KIAA1549: variants seen among roughly 807,000 people sequenced by gnomAD.
The protein encoded by KIAA1549 is KIAA1549, also known as UPF0606 protein KIAA1549.
Under a neutral mutation model 156.4 loss-of-function variants are expected in KIAA1549, and 70 were observed. That is an observed-to-expected ratio of 0.45 (90% CI 0.37 to 0.55). KIAA1549 has a LOEUF of 0.55. Among genes scored for constraint, KIAA1549 ranks in the 20% least tolerant of loss-of-function variants. The pLI is 0.00. For synonymous variants in KIAA1549, 1,103 were observed against 1,066.4 expected (o/e 1.03, Z -0.67); for missense variants, 2,428 against 2,540.9 (o/e 0.96, Z 0.96).
intron 1 of KIAA1549, among the ~76,000 whole-genome samples, chr7:138,937,769 C>A (rs1813060646): frequency 2.6e-5 from 4 of 152,124 alleles, no homozygotes; most frequent in Admixed American, 1.3e-4. Flanking sequence ...CGGTGAGGAG[C>A]CAACTCGGGG....
At chr7:138,949,398 C>A (rs1166595207) in intron 1 of KIAA1549, among the ~76,000 whole-genome samples, 1 of 152,034 alleles carries the variant, frequency 6.6e-6, no homozygotes, top group Admixed American at 6.5e-5. Flanking sequence ...TCAGGATAGA[C>A]CCGCATATTA....
chr7:138,943,758 C>A (rs191716020), intron 1 of KIAA1549, among the ~76,000 whole-genome samples: 3,494 of 151,624 alleles, frequency 0.023, 130 homozygotes, highest in African/African-American at 0.08. Flanking sequence ...CTGAGGCAGG[C>A]GAATGGCGTG....
At chr7:138,858,293 A>C (rs1245111556) in intron 16 of KIAA1549, among the ~76,000 whole-genome samples, 1 of 151,990 alleles carries the variant, frequency 6.6e-6, no homozygotes, top group Non-Finnish European at 1.5e-5. Context: ...ACAGAGTCTC[A>C]CTGTGTTGCC....
At chr7:138,958,289 T>C (rs1004332681) in intron 1 of KIAA1549, among the ~76,000 whole-genome samples, 1 of 152,112 alleles carries the variant, frequency 6.6e-6, no homozygotes, top group Admixed American at 6.5e-5. Flanking sequence ...CGGATCTAGG[T>C]GCCACCATCA....
intron 10 of KIAA1549, among the ~76,000 whole-genome samples, chr7:138,890,972 C>G (rs576307967): frequency 1.3e-5 from 2 of 152,202 alleles, no homozygotes; most frequent in South Asian, 2.1e-4. Context: ...TCCGCTCCCC[C>G]ACTGGGCCCG....
At chr7:138,860,893 A>G (rs1434438182) in intron 16 of KIAA1549, among the ~76,000 whole-genome samples, 1 of 152,256 alleles carries the variant, frequency 6.6e-6, no homozygotes, top group Admixed American at 6.5e-5. Flanking sequence ...TCCACAAAGC[A>G]AAAGTCCTCC....
At chr7:138,925,961 G>A (rs1016633183) in intron 1 of KIAA1549, among the ~76,000 whole-genome samples, 3 of 151,370 alleles carry the variant, frequency 2.0e-5, no homozygotes, top group Non-Finnish European at 4.4e-5. Context: ...AAGCCCCGCA[G>A]TCCACCTGGG....
intron 10 of KIAA1549, among the ~76,000 whole-genome samples, chr7:138,885,063 C>A (rs942521956): frequency 3.3e-5 from 5 of 152,144 alleles, no homozygotes; most frequent in Admixed American, 2.0e-4. Flanking sequence ...GGCGTGGTGG[C>A]ACGTGCCTGT....
intron 14 of KIAA1549, among the ~76,000 whole-genome samples, chr7:138,868,630 A>G (rs926475696): frequency 6.6e-6 from 1 of 152,034 alleles, no homozygotes; most frequent in African/African-American, 2.4e-5. Flanking sequence ...GTTTCACCAT[A>G]TTGGCCAGGC....
chr7:138,961,738 A>T (rs950608533), intron 1 of KIAA1549, among the ~76,000 whole-genome samples: 26 of 151,892 alleles, frequency 1.7e-4, no homozygotes, highest in African/African-American at 6.3e-4. Context: ...GCACTTTGGG[A>T]GGCTGAGGCA....
At position 138,917,783 on chromosome 7, in the gene KIAA1549, T is replaced by C. The variant is rs1333971022; in HGVS notation, c.1843A>G (p.Lys615Glu). The C allele has an allele frequency of 2.5e-6, 4 of 1,580,752 alleles. No individual in the cohort carries two copies. The highest frequency in any genetic ancestry group is 3.4e-6 in the Non-Finnish European group (4 of 1,163,294). The change falls in exon 2 of 20, where the codon AAA (lysine) becomes GAA (glutamate). Residue 615 changes from lysine to glutamate, a missense_variant. By Grantham distance (56) the Lys-to-Glu change is moderately conservative. Coordinates refer to ENST00000422774, the MANE Select transcript of KIAA1549 (RefSeq NM_001164665.2). Reference sequence around the variant, plus strand: ...GCAAAATCCAAAGCACCTCTGGGTTTATGCTCAGAAAAACTGGAACGTTCT... The same window carrying C: ...GCAAAATCCAAAGCACCTCTGGGTTCATGCTCAGAAAAACTGGAACGTTCT... ...DQERSSFSEHKPRGALDFASS... is the reference protein window; with the variant it reads ...DQERSSFSEHEPRGALDFASS...
At chr7:138,935,317 G>A (rs1269106901) in intron 1 of KIAA1549, among the ~76,000 whole-genome samples, 1 of 152,156 alleles carries the variant, frequency 6.6e-6, no homozygotes, top group African/African-American at 2.4e-5. Flanking sequence ...TTAATTGAAG[G>A]CAAGGTCCAG....
At chr7:138,941,099 A>T (rs963339743) in intron 1 of KIAA1549, among the ~76,000 whole-genome samples, 5 of 152,086 alleles carry the variant, frequency 3.3e-5, no homozygotes, top group African/African-American at 4.8e-5. Context: ...AAAATAATTT[A>T]AAAAGATGTT....
chr7:138,981,202 A>G lies in KIAA1549; in HGVS notation c.68T>C (p.Leu23Pro). The stretch of plus-strand genomic sequence containing the variant: ...CCGTCGGCCGCTCGGCCCCGGGGCC[A>G]GCGCGACCCCGGCGCGGGGCTTCCC... ...MEGKPRAGVA[L>P]APGPSGRRPS... Residue 23 changes from leucine (L) to proline (P), a missense_variant, in exon 1 of 20, where the codon CTG (leucine) becomes CCG (proline). Leu to Pro is a moderately conservative substitution (Grantham distance 98). Around this residue, in one of 5 missense-constraint regions of KIAA1549, gnomAD observed 893 missense variants for 847.9 expected, o/e 1.05. Transcript: ENST00000422774. This position sits in a 1 kb window ranked among gnomAD's most constrained non-coding sequence, Gnocchi z 4.5. 1.9e-6 allele frequency: 2 copies of G among 1,043,700 alleles called. No homozygotes were observed. The highest frequency in any genetic ancestry group is 1.5e-4 in the East Asian group (2 of 13,348). The allele number at this position is 1,043,700 out of a possible 1,614,324, so 64.7% of individuals were successfully genotyped here. A position where few individuals can be genotyped will look rare whatever the true frequency, so the allele number is the denominator to read the frequency against.
rs1563039449 is a variant in KIAA1549 at position 138,832,190 on chromosome 7, C to CTTTTTTTTTTTTT, written c.*5715_*5716insAAAAAAAAAAAAA. 160 of 169,888 alleles carry CTTTTTTTTTTTTT rather than the reference C, an allele frequency of 9.4e-4. 6 individuals carry two copies. The highest frequency in any genetic ancestry group is 1.4e-3 in the South Asian group (6 of 4,152). 10.5% of individuals were successfully genotyped at this position (169,888 alleles called of 1,614,324 possible). A position where few individuals can be genotyped will look rare whatever the true frequency, so the allele number is the denominator to read the frequency against. On this transcript the variant is annotated 3_prime_UTR_variant, in exon 20 of 20. Transcript: ENST00000422774. ...TTCACCTCTGTCCCTTTTACCTATTCCTTTTTTTTTTTTTTTTTTTTCCAG... is the reference window on the plus strand; with the variant it reads ...TTCACCTCTGTCCCTTTTACCTATTCTTTTTTTTTTTTTCTTTTTTTTTTTTTTTTTTTTCCAG...
chr7:138,876,716 A>G (rs1353465977), intron 12 of KIAA1549, among the ~76,000 whole-genome samples: 1 of 152,220 alleles, frequency 6.6e-6, no homozygotes, highest in Non-Finnish European at 1.5e-5. Flanking sequence ...ATGGCAGCCC[A>G]TCTCCTGCCT....
intron 6 of KIAA1549, among the ~76,000 whole-genome samples, chr7:138,905,402 C>CT (rs1811977807): frequency 6.6e-6 from 1 of 152,236 alleles, no homozygotes; most frequent in Non-Finnish European, 1.5e-5. Flanking sequence ...AGAGCCCTGG[C>CT]TTTCCCAGCA....
In KIAA1549 at chr7:138,867,969, A is replaced by T; in HGVS notation, c.4929+6T>A. On this transcript the variant is annotated splice_donor_region_variant and intron_variant, in intron 15 of 19. Transcript: ENST00000422774. ...AGTTCCAGAAACTGGAGTCGGTGGC[A>T]CGCACTGGGCATCCGATGTAGGCTG... 6.2e-7 allele frequency: 1 copy of T among 1,612,732 alleles called. No individual in the cohort carries two copies. Among genetic ancestry groups the T allele is most frequent in the Non-Finnish European group, 8.5e-7 (1 of 1,178,934 alleles).
chr7:138,948,688 T>C (rs1242418174), intron 1 of KIAA1549, among the ~76,000 whole-genome samples: 2 of 133,096 alleles, frequency 1.5e-5, no homozygotes, highest in Non-Finnish European at 1.5e-5. Context: ...TTTTTTTGTT[T>C]TGTGGCTTTT....
Sources: allele counts gnomAD v4.1 joint callset (sites outside exome capture counted in the v4.1 genomes callset), GRCh38; gene constraint gnomAD v4.1.1; regional missense constraint gnomAD v4.1.1; non-coding constraint Gnocchi (gnomAD v3.1); transcripts MANE v1.5; gene names NCBI Gene and HGNC (gene_info 2026-07-23, HGNC 2026-07-21).